Variants in NFAT5 observed in about 807,000 individuals in gnomAD.
NFAT5 encodes the protein nuclear factor of activated T-cells 5.
Under a neutral mutation model 166.5 loss-of-function variants are expected in NFAT5, and 31 were observed. That is an observed-to-expected ratio of 0.19 (90% CI 0.14 to 0.25). The LOEUF (loss-of-function observed/expected upper bound fraction) is 0.25. NFAT5 is among the 10% of genes least tolerant of loss of function. The probability of loss-of-function intolerance (pLI) is 1.00; values close to 1 mark genes in which losing one functional copy is unlikely to be tolerated. For missense variants in NFAT5, 1,449 were observed against 1,821.8 expected (o/e 0.80, Z 3.72); for synonymous variants, 612 against 639.7 (o/e 0.96, Z 0.65).
At chr16:69,585,391 G>A (rs748032666) in intron 2 of NFAT5, among the ~76,000 whole-genome samples, 6 of 151,858 alleles carry the variant, frequency 4.0e-5, no homozygotes, top group Non-Finnish European at 7.4e-5. Flanking sequence ...ATGTAAAATG[G>A]TGCAGCTGTT....
intron 2 of NFAT5, among the ~76,000 whole-genome samples, chr16:69,593,851 C>T (rs540175149): frequency 2.9e-4 from 44 of 152,242 alleles, no homozygotes; most frequent in African/African-American, 1.0e-3. Context: ...AACCCATTTT[C>T]ATATTAGAGC....
At chr16:69,656,643 G>T (rs2151638710) in intron 6 of NFAT5, among the ~76,000 whole-genome samples, 1 of 151,920 alleles carries the variant, frequency 6.6e-6, no homozygotes, top group East Asian at 1.9e-4. Context: ...GTAGAGTCGG[G>T]GTTTCACCAT....
At chr16:69,653,573 G>T (rs1240952549) in intron 5 of NFAT5, 145 bp downstream of exon 5, 25 of 471,482 alleles carry the variant, frequency 5.3e-5, no homozygotes, top group South Asian at 1.1e-4. Flanking sequence ...ACTTTAGAAA[G>T]AATTTTTTTT....
chr16:69,680,175 C>T (rs988440618), intron 10 of NFAT5, among the ~76,000 whole-genome samples: 2 of 152,026 alleles, frequency 1.3e-5, no homozygotes, highest in Admixed American at 6.5e-5. Context: ...CTGATAGTTA[C>T]TAAATATTGA....
chr16:69,627,565 C>G (rs1334681404), intron 3 of NFAT5, among the ~76,000 whole-genome samples: 1 of 151,928 alleles, frequency 6.6e-6, no homozygotes, highest in African/African-American at 2.4e-5. Context: ...AGTATAACTT[C>G]AGATATATTT....
At chr16:69,668,968 A>T (rs1054785375) in intron 7 of NFAT5, among the ~76,000 whole-genome samples, 1 of 152,096 alleles carries the variant, frequency 6.6e-6, no homozygotes, top group Admixed American at 6.6e-5. Context: ...GTCATGACTC[A>T]CTGCAGCCTC....
intron 2 of NFAT5, among the ~76,000 whole-genome samples, chr16:69,606,151 A>G (rs16958991): frequency 0.019 from 2,822 of 152,332 alleles, 96 homozygotes; most frequent in African/African-American, 0.06. Flanking sequence ...TGATCAAGAA[A>G]GTTGGGACCA....
At chr16:69,617,666 T>C (rs2034016283) in intron 2 of NFAT5, among the ~76,000 whole-genome samples, 2 of 151,792 alleles carry the variant, frequency 1.3e-5, no homozygotes, top group Non-Finnish European at 2.9e-5. Flanking sequence ...AATTTTTGTA[T>C]TTTTTTGTAA....
chr16:69,578,355 T>C (rs770011680), intron 2 of NFAT5, among the ~76,000 whole-genome samples: 2 of 152,336 alleles, frequency 1.3e-5, no homozygotes, highest in South Asian at 2.1e-4. Flanking sequence ...TGCTTAACTA[T>C]GTATCATAAA....
chr16:69,568,346 ATGTGTGTGTGTG>A (rs1555515541), intron 1 of NFAT5, 137 bp from the exon 2 acceptor site: 7 of 180,614 alleles, frequency 3.9e-5, no homozygotes, highest in African/African-American at 9.7e-5. Context: ...ATATATATAT[ATGTGTGTGTGTG>A]TGTGTGTGTG....
chr16:69,692,502 A>T lies in NFAT5; in HGVS notation c.2677A>T (p.Thr893Ser). ...AAGTGTTCATCCACAGTCTGAAAAC[A>T]CGTTATCTAATCAACAGCAGCAGCA... ...AESVHPQSENTLSNQQQQQQQ... is the reference protein window; with the variant it reads ...AESVHPQSENSLSNQQQQQQQ... The change falls in exon 13 of 15, where the codon ACG (threonine) becomes TCG (serine). Residue 893 changes from threonine (T) to serine (S), a missense_variant. Thr to Ser is a moderately conservative substitution (Grantham distance 58, BLOSUM62 1). Coordinates refer to ENST00000349945, the MANE Select transcript of NFAT5 (RefSeq NM_138713.4). The T allele has an allele frequency of 6.2e-7, 1 of 1,614,208 alleles. No individual in the cohort carries two copies. The highest frequency in any genetic ancestry group is 8.5e-7 in the Non-Finnish European group (1 of 1,180,044).
At chr16:69,682,760 T>C (rs545140268) in intron 10 of NFAT5, among the ~76,000 whole-genome samples, 13 of 152,320 alleles carry the variant, frequency 8.5e-5, no homozygotes, top group South Asian at 8.3e-4. Context: ...GTGTTTTTTT[T>C]CCATTCAGTT....
chr16:69,655,269 A>G (rs1405902142), intron 5 of NFAT5, among the ~76,000 whole-genome samples: 1 of 152,112 alleles, frequency 6.6e-6, no homozygotes, highest in African/African-American at 2.4e-5. Flanking sequence ...GAGTTTTCCC[A>G]TTAGTTATGG....
At chr16:69,634,343 G>A (rs2034859549) in intron 3 of NFAT5, among the ~76,000 whole-genome samples, 1 of 149,938 alleles carries the variant, frequency 6.7e-6, no homozygotes, top group African/African-American at 2.5e-5. Context: ...ATGAGTGGAA[G>A]CTACATGAGT....
Position 69,697,749 on chromosome 16 carries a change from C to G in NFAT5, c.*1398C>G, listed in dbSNP as rs1355868241. 6.6e-6 allele frequency: 1 copy of G among 152,582 alleles called. No individual in the cohort carries two copies. The highest frequency in any genetic ancestry group is 1.5e-5 in the Non-Finnish European group (1 of 68,030). The allele number at this position is 152,582 out of a possible 1,614,324, so 9.5% of individuals were successfully genotyped here. A position where few individuals can be genotyped will look rare whatever the true frequency, so the allele number is the denominator to read the frequency against. ...CCGTGGGATGCCTGCTTCTCACTAC[C>G]ACCTGTGTCTGGACACATGCTTATG... is the stretch of plus-strand genomic sequence containing the variant. On this transcript the variant is annotated 3_prime_UTR_variant, in exon 15 of 15. Coordinates refer to ENST00000349945, the MANE Select transcript of NFAT5 (RefSeq NM_138713.4).
chr16:69,617,036 C>T (rs1016613200), intron 2 of NFAT5, among the ~76,000 whole-genome samples: 3 of 151,706 alleles, frequency 2.0e-5, no homozygotes, highest in South Asian at 2.1e-4. Flanking sequence ...CTCCGCCTCC[C>T]GGGTTCACGC....
intron 2 of NFAT5, among the ~76,000 whole-genome samples, chr16:69,594,832 C>G (rs763814691): frequency 2.0e-5 from 3 of 152,102 alleles, no homozygotes; most frequent in African/African-American, 4.8e-5. Flanking sequence ...AAGGTGAGGT[C>G]CCACAATAGG....
chr16:69,687,777 ATCT>A (rs1329230099), intron 11 of NFAT5, among the ~76,000 whole-genome samples: 4 of 152,278 alleles, frequency 2.6e-5, no homozygotes, highest in Non-Finnish European at 4.4e-5. Context: ...TTATAATATA[ATCT>A]TATCTGTAAA....
chr16:69,648,079 G>A, intron 4 of NFAT5: 1 of 261,598 alleles, frequency 3.8e-6, no homozygotes. Context: ...GGAGAACTGA[G>A]GCAGGGGAAT....
Sources: gnomAD v4.1 joint callset for allele counts (sites outside exome capture counted in the v4.1 genomes callset) on GRCh38, gnomAD v4.1.1 for gene constraint, MANE v1.5 for transcripts, NCBI Gene and HGNC (gene_info 2026-07-23, HGNC 2026-07-21) for gene names.